C8orf34: variants seen among roughly 807,000 people sequenced by gnomAD.
C8orf34 encodes the protein uncharacterized protein C8orf34.
A neutral mutation model predicts 68.3 loss-of-function variants in C8orf34; 65 were observed. The observed-to-expected ratio is 0.95, with a 90% confidence interval of 0.78 to 1.17. The LOEUF is 1.17. Ranked by LOEUF, C8orf34 falls within the 50% of genes most tolerant of loss-of-function variation. The probability of loss-of-function intolerance (pLI) is 0.00; values close to 1 mark genes in which losing one functional copy is unlikely to be tolerated. For synonymous variants in C8orf34, 244 were observed against 241.2 expected, an observed-to-expected ratio of 1.01 and a Z score of -0.11; for missense variants, 664 against 655.4, an observed-to-expected ratio of 1.01 and a Z score of -0.14.
At chr8:68,459,322 C>G (rs1331516059) in intron 3 of C8orf34, among the ~76,000 whole-genome samples, 1 of 152,124 alleles carries the variant, frequency 6.6e-6, no homozygotes, top group Non-Finnish European at 1.5e-5. Flanking sequence ...CTCCGTCTCC[C>G]AGGTTCAAGT....
chr8:68,470,865 C>T (rs74891684), intron 4 of C8orf34, among the ~76,000 whole-genome samples: 2,576 of 152,190 alleles, frequency 0.017, 85 homozygotes, highest in African/African-American at 0.058. Context: ...CTCCTAACAC[C>T]ATCACATTGC....
chr8:68,536,081 G>A (rs1336164955), intron 7 of C8orf34, among the ~76,000 whole-genome samples: 1 of 151,732 alleles, frequency 6.6e-6, no homozygotes, highest in Non-Finnish European at 1.5e-5. Context: ...AGTTACAATG[G>A]TAGAATGAGA....
chr8:68,466,405 ATAT>A (rs1388269433), intron 3 of C8orf34, among the ~76,000 whole-genome samples: 3 of 152,020 alleles, frequency 2.0e-5, no homozygotes, highest in African/African-American at 4.8e-5. Flanking sequence ...CTCTATGTTG[ATAT>A]TATTATGATT....
chr8:68,534,484 C>A, intron 7 of C8orf34: 2 of 587,026 alleles, frequency 3.4e-6, no homozygotes, highest in Non-Finnish European at 4.3e-6. Flanking sequence ...TACGTCACTA[C>A]CTGTGCTAAC....
At chr8:68,785,657 A>G (rs771031422) in intron 11 of C8orf34, among the ~76,000 whole-genome samples, 2 of 152,114 alleles carry the variant, frequency 1.3e-5, no homozygotes, top group Non-Finnish European at 2.9e-5. Context: ...ATATATTGCC[A>G]TTCATTCTTG....
chr8:68,598,826 T>C (rs187842134), intron 7 of C8orf34, among the ~76,000 whole-genome samples: 440 of 152,200 alleles, frequency 2.9e-3, no homozygotes, highest in Non-Finnish European at 3.8e-3. Context: ...TGTTGTAGAT[T>C]GTAAAATAAA....
intron 1 of C8orf34, among the ~76,000 whole-genome samples, chr8:68,407,702 A>G (rs1809259495): frequency 6.6e-6 from 1 of 152,120 alleles, no homozygotes; most frequent in South Asian, 2.1e-4. Context: ...TAAAAATGTT[A>G]GGCCTTTTGT....
chr8:68,426,502 G>T (rs1348666600), intron 1 of C8orf34, among the ~76,000 whole-genome samples: 58 of 45,896 alleles, frequency 1.3e-3, no homozygotes, highest in African/African-American at 4.2e-3. Flanking sequence ...CTGAGTGACA[G>T]AATAAGACCT....
intron 7 of C8orf34, among the ~76,000 whole-genome samples, chr8:68,572,120 AC>A (rs1816776176): frequency 6.6e-6 from 1 of 152,040 alleles, no homozygotes; most frequent in Admixed American, 6.6e-5. Flanking sequence ...ATCTAAACAC[AC>A]CTAAACATAG....
At chr8:68,691,950 G>A (rs1820697368) in intron 8 of C8orf34, among the ~76,000 whole-genome samples, 1 of 151,980 alleles carries the variant, frequency 6.6e-6, no homozygotes, top group South Asian at 2.1e-4. Context: ...GAGCAACTCG[G>A]AATAAAATGT....
chr8:68,814,856 A>G (rs1172029680), intron 12 of C8orf34, among the ~76,000 whole-genome samples: 1 of 152,224 alleles, frequency 6.6e-6, no homozygotes, highest in Non-Finnish European at 1.5e-5. Flanking sequence ...TTTAAAAGTG[A>G]TTGTTCTATA....
At chr8:68,705,669 T>C (rs1011122247) in intron 8 of C8orf34, among the ~76,000 whole-genome samples, 1 of 151,824 alleles carries the variant, frequency 6.6e-6, no homozygotes, top group African/African-American at 2.4e-5. Flanking sequence ...TCAAAGAAGA[T>C]TGAACATGAA....
At chr8:68,639,729 C>A (rs1327579391) in intron 7 of C8orf34, among the ~76,000 whole-genome samples, 1 of 152,050 alleles carries the variant, frequency 6.6e-6, no homozygotes, top group African/African-American at 2.4e-5. Context: ...AAATTTAGTT[C>A]TTTTCATTCT....
rs1202142957 is a variant in C8orf34, at chr8:68,379,886, C to G, written c.327+48547C>G. Among the ~76,000 whole-genome samples the G allele has an allele frequency of 2.6e-5, 4 of 152,292 alleles. No homozygotes were observed. In the East Asian group the frequency reaches 7.7e-4, roughly 29 times the overall value. On this transcript the variant is annotated intron_variant, in intron 1 of 13. Transcript: ENST00000518698. ...TTGTTTTTCGAGACAGAGTCTCACTCTGTTACCCAAGCTGGAGTGCAGTGG... is the reference window on the plus strand; with the variant it reads ...TTGTTTTTCGAGACAGAGTCTCACTGTGTTACCCAAGCTGGAGTGCAGTGG...
chr8:68,530,672 A>AT, intron 6 of C8orf34: 1 of 1,115,794 alleles, frequency 9.0e-7, no homozygotes, highest in Non-Finnish European at 1.1e-6. Flanking sequence ...TCTTCCTTCC[A>AT]TTTTCAAGTG....
intron 5 of C8orf34, among the ~76,000 whole-genome samples, chr8:68,489,075 T>C (rs1168448818): frequency 6.6e-6 from 1 of 152,122 alleles, no homozygotes; most frequent in Non-Finnish European, 1.5e-5. Context: ...TAAAACAAGA[T>C]GTTAGTAAGA....
chr8:68,625,354 G>A (rs978704933), intron 7 of C8orf34: 6 of 432,410 alleles, frequency 1.4e-5, no homozygotes, highest in Middle Eastern at 3.6e-4. Flanking sequence ...CTCACTTTTA[G>A]GAAATTCAAA....
chr8:68,671,859 C>T lies in C8orf34; in HGVS notation c.1241+31348C>T, dbSNP rs148454070. 1.1e-3 allele frequency among the ~76,000 whole-genome samples: 163 copies of T among 152,086 alleles called. 4 individuals carry two copies. In the East Asian group the frequency reaches 0.029, roughly 27 times the overall value. ...AACGAAAAGGGTTTCCTGAGGTTTGCAATTTAGGTAGATTAGTGCATTTAG... is the reference window on the plus strand; with the variant it reads ...AACGAAAAGGGTTTCCTGAGGTTTGTAATTTAGGTAGATTAGTGCATTTAG... On this transcript the variant is annotated intron_variant, in intron 8 of 13. Coordinates refer to ENST00000518698, the MANE Select transcript of C8orf34 (RefSeq NM_052958.4).
intron 7 of C8orf34, among the ~76,000 whole-genome samples, chr8:68,551,975 T>C (rs955444781): frequency 3.9e-5 from 6 of 152,194 alleles, no homozygotes; most frequent in Non-Finnish European, 1.5e-5. Flanking sequence ...AACACCAATT[T>C]GTCAAAAGAT....
Sources: gnomAD v4.1 joint callset for allele counts (sites outside exome capture counted in the v4.1 genomes callset) on GRCh38, gnomAD v4.1.1 for gene constraint, MANE v1.5 for transcripts, NCBI Gene and HGNC (gene_info 2026-07-23, HGNC 2026-07-21) for gene names.